CNTN5: variants seen among roughly 807,000 people sequenced by gnomAD.
CNTN5 encodes contactin 5, also known as contactin-5.
CNTN5 carries 77 observed loss-of-function variants against 129.1 expected under a neutral mutation model. The ratio of observed to expected loss-of-function variants is 0.60; its 90% CI spans 0.50 to 0.72. CNTN5 has a LOEUF of 0.72. Ranked by LOEUF, CNTN5 falls within the 30% of genes least tolerant of loss-of-function variation. The pLI, the probability that CNTN5 is intolerant of heterozygous loss-of-function variation, is 0.00. For synonymous variants in CNTN5, 509 were observed against 465.6 expected, an observed-to-expected ratio of 1.09 and a Z score of -1.20; for missense variants, 1,478 against 1,328.8, an observed-to-expected ratio of 1.11 and a Z score of -1.75.
intron 9 of CNTN5, among the ~76,000 whole-genome samples, chr11:100,055,540 A>T (rs551743954): frequency 6.6e-6 from 1 of 151,242 alleles, no homozygotes; most frequent in South Asian, 2.1e-4. Flanking sequence ...CCTAAAGAAA[A>T]ATTTACAGGA....
intron 3 of CNTN5, among the ~76,000 whole-genome samples, chr11:99,694,246 A>G (rs2134811337): frequency 6.6e-6 from 1 of 152,234 alleles, no homozygotes; most frequent in East Asian, 1.9e-4. Flanking sequence ...TCAGACAGTG[A>G]GCCAAATCTG....
At chr11:100,100,587 C>T (rs1168405487) in intron 13 of CNTN5, among the ~76,000 whole-genome samples, 1 of 152,072 alleles carries the variant, frequency 6.6e-6, no homozygotes, top group East Asian at 1.9e-4. Context: ...GTACCTGGCT[C>T]ACAGGAGGTA....
At chr11:100,185,260 AT>A (rs1423424968) in intron 13 of CNTN5, among the ~76,000 whole-genome samples, 1 of 152,044 alleles carries the variant, frequency 6.6e-6, no homozygotes, top group East Asian at 1.9e-4. Context: ...GTTTTACTGG[AT>A]AAGTTCTACT....
In CNTN5 at chr11:100,329,802, C is replaced by T. The variant is rs558924756; in HGVS notation, c.2731-10661C>T. ...AGAACACCACATCAAGGGAGCACCC[C>T]ATAGGACAAAAGAACCTGAATAGCA... On this transcript the variant is annotated intron_variant, in intron 21 of 24. Transcript: ENST00000524871. 6.4e-4 allele frequency among the ~76,000 whole-genome samples: 97 copies of T among 152,300 alleles called. 1 individual carries two copies. The highest frequency in any genetic ancestry group is 2.3e-3 in the African/African-American group (95 of 41,558).
At chr11:99,340,365 T>C (rs1262888033) in intron 2 of CNTN5, among the ~76,000 whole-genome samples, 1 of 151,910 alleles carries the variant, frequency 6.6e-6, no homozygotes, top group Non-Finnish European at 1.5e-5. Context: ...CTGGCAATAC[T>C]CCAAAAGAAG....
chr11:99,737,163 G>GC (rs1565476653), intron 3 of CNTN5, among the ~76,000 whole-genome samples: 1 of 149,546 alleles, frequency 6.7e-6, no homozygotes, highest in Non-Finnish European at 1.5e-5. Flanking sequence ...ACACACACAC[G>GC]CACACGCACA....
At chr11:99,889,323 TGTGTG>T (rs1246400542) in intron 6 of CNTN5, among the ~76,000 whole-genome samples, 5 of 144,424 alleles carry the variant, frequency 3.5e-5, no homozygotes, top group African/African-American at 5.2e-5. Context: ...TGTGTGTGTG[TGTGTG>T]TGTGTGTGTG....
chr11:99,590,978 A>C (rs1949961445), intron 3 of CNTN5, among the ~76,000 whole-genome samples: 1 of 152,218 alleles, frequency 6.6e-6, no homozygotes, highest in Non-Finnish European at 1.5e-5. Flanking sequence ...TATACATGCA[A>C]ATAATAAATT....
At chr11:99,917,742 A>C (rs1477630341) in intron 7 of CNTN5, among the ~76,000 whole-genome samples, 1 of 152,196 alleles carries the variant, frequency 6.6e-6, no homozygotes, top group Non-Finnish European at 1.5e-5. Flanking sequence ...CTTCGGGATT[A>C]CACATAAATT....
intron 2 of CNTN5, among the ~76,000 whole-genome samples, chr11:99,483,310 A>G (rs1383370130): frequency 6.6e-6 from 1 of 152,008 alleles, no homozygotes; most frequent in African/African-American, 2.4e-5. Context: ...GGTTTTATAC[A>G]TTGCCATTCT....
intron 15 of CNTN5, among the ~76,000 whole-genome samples, chr11:100,202,088 GTTA>G (rs1013792925): frequency 6.6e-6 from 1 of 151,974 alleles, no homozygotes; most frequent in Non-Finnish European, 1.5e-5. Flanking sequence ...TAGAAATTGT[GTTA>G]TTGTTGTTGT....
At chr11:99,948,493 C>G (rs951075465) in intron 7 of CNTN5, among the ~76,000 whole-genome samples, 4 of 152,158 alleles carry the variant, frequency 2.6e-5, no homozygotes, top group African/African-American at 9.7e-5. Context: ...AGACACCGCT[C>G]TAATTAGTCA....
At chr11:100,018,232 G>T (rs141645543) in intron 9 of CNTN5, among the ~76,000 whole-genome samples, 1 of 151,682 alleles carries the variant, frequency 6.6e-6, no homozygotes, top group Non-Finnish European at 1.5e-5. Flanking sequence ...TGAAACCATC[G>T]CACAATCCAC....
At chr11:99,440,384 A>G (rs1271938026) in intron 2 of CNTN5, among the ~76,000 whole-genome samples, 1 of 149,844 alleles carries the variant, frequency 6.7e-6, no homozygotes, top group Non-Finnish European at 1.5e-5. Flanking sequence ...TTTCTTGTTT[A>G]TTTGATTTGA....
intron 1 of CNTN5, among the ~76,000 whole-genome samples, chr11:99,022,808 A>C (rs1862937088): frequency 6.6e-6 from 1 of 152,156 alleles, no homozygotes; most frequent in Admixed American, 6.5e-5. Context: ...AAGTCAGTGA[A>C]ATGATTATTA....
chr11:99,891,153 A>T (rs1949048197), intron 6 of CNTN5, among the ~76,000 whole-genome samples: 1 of 152,094 alleles, frequency 6.6e-6, no homozygotes, highest in Admixed American at 6.6e-5. Context: ...TTTAGTTAAT[A>T]ACAATATATA....
At chr11:99,870,035 T>G (rs1468261610) in intron 6 of CNTN5, among the ~76,000 whole-genome samples, 1 of 152,122 alleles carries the variant, frequency 6.6e-6, no homozygotes, top group Non-Finnish European at 1.5e-5. Flanking sequence ...CCACTCTCAG[T>G]GGTAGGCACA....
chr11:99,062,113 G>A (rs1864908433), intron 1 of CNTN5, among the ~76,000 whole-genome samples: 1 of 152,048 alleles, frequency 6.6e-6, no homozygotes, highest in African/African-American at 2.4e-5. Flanking sequence ...TATTCAAGAT[G>A]AAGAAAAAAA....
chr11:100,337,993 C>A (rs547919140), intron 21 of CNTN5, among the ~76,000 whole-genome samples: 1 of 152,294 alleles, frequency 6.6e-6, no homozygotes, highest in South Asian at 2.1e-4. Flanking sequence ...AAACCTTGCC[C>A]CTTCTCTAGG....
Sources: allele counts gnomAD v4.1 joint callset (sites outside exome capture counted in the v4.1 genomes callset), GRCh38; gene constraint gnomAD v4.1.1; transcripts MANE v1.5; gene names NCBI Gene and HGNC (gene_info 2026-07-23, HGNC 2026-07-21).